Variants in PDZD2 observed in about 807,000 individuals in gnomAD.
PDZD2 encodes PDZ domain containing 2, also known as PDZ domain-containing protein 2.
A neutral mutation model predicts 220.7 loss-of-function variants in PDZD2; 90 were observed. That is an observed-to-expected ratio of 0.41 (90% CI 0.34 to 0.49). The LOEUF is 0.49. Among genes scored for constraint, PDZD2 ranks in the 20% least tolerant of loss-of-function variants. PDZD2 has a pLI of 0.28. For missense variants in PDZD2, 3,174 were observed against 3,608.5 expected (o/e 0.88, Z 3.08); for synonymous variants, 1,375 against 1,450.5 (o/e 0.95, Z 1.18).
chr5:32,096,135 C>T (rs1743669356), intron 21 of PDZD2, among the ~76,000 whole-genome samples: 1 of 151,996 alleles, frequency 6.6e-6, no homozygotes, highest in Non-Finnish European at 1.5e-5. Context: ...ACATTACCTC[C>T]TAGAAGCTGG....
At chr5:31,988,447 G>GGC (rs1554019958) in intron 3 of PDZD2, among the ~76,000 whole-genome samples, 1 of 147,508 alleles carries the variant, frequency 6.8e-6, no homozygotes, top group Non-Finnish European at 1.5e-5. Context: ...GGGGTGGGGG[G>GGC]GGTGCATCAC....
intron 5 of PDZD2, among the ~76,000 whole-genome samples, chr5:32,005,550 AGAT>A (rs952863052): frequency 2.1e-4 from 32 of 152,056 alleles, no homozygotes; most frequent in African/African-American, 7.7e-4. Flanking sequence ...GAGAAGAAGA[AGAT>A]GATGAAATTC....
intron 2 of PDZD2, among the ~76,000 whole-genome samples, chr5:31,899,235 A>G (rs1741867757): frequency 6.6e-6 from 1 of 152,056 alleles, no homozygotes; most frequent in African/African-American, 2.4e-5. Context: ...GGTTCAAGTG[A>G]TTCTCCTACC....
intron 2 of PDZD2, among the ~76,000 whole-genome samples, chr5:31,878,855 C>T (rs112111793): frequency 1.1e-4 from 17 of 150,926 alleles, no homozygotes; most frequent in African/African-American, 3.7e-4. Flanking sequence ...GCCACCGCGC[C>T]GGGCCGACCT....
At chr5:31,710,473 A>G (rs11748088) in intron 1 of PDZD2, among the ~76,000 whole-genome samples, 1 of 152,104 alleles carries the variant, frequency 6.6e-6, no homozygotes, top group Admixed American at 6.5e-5. Context: ...CTTACTGGTC[A>G]CCTTGAGCTT....
At chr5:31,784,757 A>ATT (rs1753278560) in intron 1 of PDZD2, among the ~76,000 whole-genome samples, 1 of 152,020 alleles carries the variant, frequency 6.6e-6, no homozygotes, top group Non-Finnish European at 1.5e-5. Flanking sequence ...AAATACAAAA[A>ATT]TTAGCCAGGC....
At chr5:31,706,430 T>C (rs114083424) in intron 1 of PDZD2, among the ~76,000 whole-genome samples, 20,611 of 151,826 alleles carry the variant, frequency 0.14, 1,507 homozygotes, top group East Asian at 0.21. Flanking sequence ...GGGGCTGGTG[T>C]GCAGGGGAGG....
rs528182404 is a variant in PDZD2 at position 32,020,768 on chromosome 5, C to G, written c.1407+10286C>G. On this transcript the variant is annotated intron_variant, in intron 6 of 24. Coordinates refer to ENST00000438447, the MANE Select transcript of PDZD2 (RefSeq NM_178140.4). ...CAAGCGATTCTCCTGCCTCAGCCTC[C>G]CAAGTAGCTGGGACTATAGGTGCAC... is the stretch of plus-strand genomic sequence containing the variant. 3.1e-3 allele frequency among the ~76,000 whole-genome samples: 467 copies of G among 152,006 alleles called. 2 individuals carry two copies. The highest frequency in any genetic ancestry group is 4.5e-3 in the Admixed American group (69 of 15,272).
rs544170481 is a variant in PDZD2, at chr5:32,009,375, T to TA, written c.1255-947dup. Among the ~76,000 whole-genome samples, 183 of 150,460 alleles carry TA rather than the reference T, an allele frequency of 1.2e-3. 1 individual carries two copies. The highest frequency in any genetic ancestry group is 4.1e-3 in the African/African-American group (169 of 40,888). On this transcript the variant is annotated intron_variant, in intron 5 of 24. Coordinates refer to ENST00000438447, the MANE Select transcript of PDZD2 (RefSeq NM_178140.4). ...ATAAAAATTAAAATTAAAAAATCAATAAAAAAAAGATGCTGACCTCTTTAG... is the reference window on the plus strand; with the variant it reads ...ATAAAAATTAAAATTAAAAAATCAATAAAAAAAAAGATGCTGACCTCTTTAG...
intron 2 of PDZD2, among the ~76,000 whole-genome samples, chr5:31,969,079 G>A (rs1749027343): frequency 6.6e-6 from 1 of 152,150 alleles, no homozygotes; most frequent in Non-Finnish European, 1.5e-5. Context: ...AAACTAAATG[G>A]AATGGTAGAT....
intron 2 of PDZD2, among the ~76,000 whole-genome samples, chr5:31,862,271 A>AT (rs534708263): frequency 0.048 from 7,233 of 151,554 alleles, 195 homozygotes; most frequent in South Asian, 0.083. Flanking sequence ...CACCCGGCTA[A>AT]TTTTTTTATT....
At chr5:31,696,510 C>A (rs1353665576) in intron 1 of PDZD2, among the ~76,000 whole-genome samples, 1 of 152,086 alleles carries the variant, frequency 6.6e-6, no homozygotes, top group Non-Finnish European at 1.5e-5. Flanking sequence ...CACGCTATTG[C>A]CAGGCTGATC....
intron 13 of PDZD2, 83 bp downstream of exon 13, chr5:32,059,439 C>A: frequency 3.1e-6 from 2 of 636,200 alleles, no homozygotes; most frequent in Non-Finnish European, 5.5e-6. Context: ...TCTATTACTT[C>A]CCTTTGAGGG....
Position 32,040,349 on chromosome 5 carries a change from CTCT to C in PDZD2, c.1519+3008_1519+3010del, listed in dbSNP as rs1755964085. On this transcript the variant is annotated intron_variant, in intron 7 of 24. Coordinates refer to ENST00000438447, the MANE Select transcript of PDZD2 (RefSeq NM_178140.4). ...GCCCTGTCTAGGAAGTGAGGAGCCCCTCTGCCTGGCCGCCCCGTCTAGGAAGTG... is the reference window on the plus strand; with the variant it reads ...GCCCTGTCTAGGAAGTGAGGAGCCCCGCCTGGCCGCCCCGTCTAGGAAGTG... 1.4e-4 allele frequency among the ~76,000 whole-genome samples: 21 copies of C among 149,058 alleles called. No homozygotes were observed. In the South Asian group the frequency reaches 2.2e-3, roughly 15 times the overall value.
intron 24 of PDZD2, among the ~76,000 whole-genome samples, chr5:32,105,918 T>C (rs1334756059): frequency 6.6e-6 from 1 of 152,204 alleles, no homozygotes; most frequent in African/African-American, 2.4e-5. Flanking sequence ...CTGGCAAACC[T>C]CTGCTTTGTA....
intron 1 of PDZD2, among the ~76,000 whole-genome samples, chr5:31,643,457 T>C (rs13173647): frequency 0.089 from 13,492 of 152,290 alleles, 774 homozygotes; most frequent in Middle Eastern, 0.14. Context: ...CAGTCTCCTC[T>C]GTCCTCCATG....
rs1277349806 is a variant in PDZD2 at position 31,882,604 on chromosome 5, T to C, written c.476+82880T>C. Among the ~76,000 whole-genome samples, 5 of 152,240 alleles carry C rather than the reference T, an allele frequency of 3.3e-5. No individual in the cohort carries two copies. The East Asian group carries it at 7.7e-4, about 23-fold the overall frequency. On this transcript the variant is annotated intron_variant, in intron 2 of 24. Coordinates refer to ENST00000438447, the MANE Select transcript of PDZD2 (RefSeq NM_178140.4). ...GCTATTCTAGCAAAGGTTACATTAA[T>C]AAATGCAGTTGAAATTTTTAAAAAT...
chr5:31,670,080 A>G (rs759617713), intron 1 of PDZD2, among the ~76,000 whole-genome samples: 1 of 152,200 alleles, frequency 6.6e-6, no homozygotes, highest in Non-Finnish European at 1.5e-5. Flanking sequence ...TCTGGATTGC[A>G]GAGCGGGCAC....
chr5:31,956,994 A>G (rs7719210), intron 2 of PDZD2, among the ~76,000 whole-genome samples: 145,159 of 152,176 alleles, frequency 0.95, 69,269 homozygotes, highest in African/African-American at 0.98. Context: ...GTAACATCTT[A>G]GTTTTTACTA....
Sources: gnomAD v4.1 joint callset for allele counts (sites outside exome capture counted in the v4.1 genomes callset) on GRCh38, gnomAD v4.1.1 for gene constraint, MANE v1.5 for transcripts, NCBI Gene and HGNC (gene_info 2026-07-23, HGNC 2026-07-21) for gene names.